The following NAV2 variants were observed in gnomAD, a reference collection of about 807,000 sequenced individuals.
NAV2 encodes helicase, APC down-regulated 1.
Under a neutral mutation model 223.2 loss-of-function variants are expected in NAV2, and 54 were observed. The observed-to-expected ratio is 0.24, with a 90% CI of 0.19 to 0.30. The LOEUF is 0.30. Ranked by LOEUF, NAV2 falls within the 10% of genes least tolerant of loss-of-function variation. NAV2 has a pLI of 1.00. For synonymous variants in NAV2, 1,279 were observed against 1,239.3 expected (o/e 1.03, Z -0.67); for missense variants, 2,806 against 3,147.5 (o/e 0.89, Z 2.60).
intron 10 of NAV2, 45 bp from the exon 11 acceptor site, chr11:19,984,080 C>G: frequency 6.2e-7 from 1 of 1,612,908 alleles, no homozygotes; most frequent in Non-Finnish European, 8.5e-7. Flanking sequence ...CTGGAAGCCA[C>G]TTGCTTTGGA....
intron 1 of NAV2, among the ~76,000 whole-genome samples, chr11:19,563,572 C>T (rs2045171120): frequency 1.3e-5 from 2 of 152,140 alleles, no homozygotes; most frequent in South Asian, 4.2e-4. Context: ...TAATCAGCTA[C>T]ACCAGAATTC....
At chr11:19,811,374 C>T (rs1400091911) in intron 1 of NAV2, among the ~76,000 whole-genome samples, 1 of 152,044 alleles carries the variant, frequency 6.6e-6, no homozygotes, top group East Asian at 1.9e-4. Flanking sequence ...GAAATTGACT[C>T]CCATTTGGTT....
At chr11:19,636,281 G>A (rs1224830100) in intron 1 of NAV2, among the ~76,000 whole-genome samples, 1 of 152,202 alleles carries the variant, frequency 6.6e-6, no homozygotes, top group Admixed American at 6.5e-5. Context: ...TCAGTGGGTA[G>A]AGAGAGATTT....
At chr11:19,428,890 C>T (rs748103707) in intron 1 of NAV2, among the ~76,000 whole-genome samples, 4 of 152,282 alleles carry the variant, frequency 2.6e-5, no homozygotes, top group African/African-American at 7.2e-5. Context: ...TGCCTAAGAA[C>T]CTTGACGTGT....
chr11:20,028,277 C>T (rs545171908), intron 11 of NAV2, among the ~76,000 whole-genome samples: 20 of 152,276 alleles, frequency 1.3e-4, no homozygotes, highest in African/African-American at 3.8e-4. Context: ...ATTCCTGACA[C>T]GGTGATGTCA....
intron 1 of NAV2, among the ~76,000 whole-genome samples, chr11:19,465,968 A>G (rs1852334625): frequency 6.6e-6 from 1 of 152,250 alleles, no homozygotes; most frequent in Non-Finnish European, 1.5e-5. Flanking sequence ...TGTTTCCCAC[A>G]AAGTGTGACA....
At chr11:19,786,781 C>A (rs771669537) in intron 1 of NAV2, among the ~76,000 whole-genome samples, 1 of 152,112 alleles carries the variant, frequency 6.6e-6, no homozygotes, top group Admixed American at 6.5e-5. Context: ...ACATAATTGG[C>A]TAGGGAGGCT....
intron 11 of NAV2, among the ~76,000 whole-genome samples, chr11:20,021,980 T>A (rs928185908): frequency 6.6e-6 from 1 of 152,180 alleles, no homozygotes; most frequent in Non-Finnish European, 1.5e-5. Flanking sequence ...AGCCAGTTAC[T>A]GCTTCCTTCC....
chr11:19,994,192 T>G (rs1804737448), intron 11 of NAV2, among the ~76,000 whole-genome samples: 1 of 152,240 alleles, frequency 6.6e-6, no homozygotes, highest in South Asian at 2.1e-4. Flanking sequence ...TAGTCCTGCT[T>G]ATCTCATCAA....
At chr11:19,725,957 TGG>T (rs2051199677) in intron 1 of NAV2, among the ~76,000 whole-genome samples, 1 of 152,238 alleles carries the variant, frequency 6.6e-6, no homozygotes, top group African/African-American at 2.4e-5. Context: ...GAGGCCAGGC[TGG>T]CTGGGCTGCC....
Position 19,659,265 on chromosome 11 carries a change from T to C in NAV2, c.76-173219T>C, listed in dbSNP as rs117571124. Among the ~76,000 whole-genome samples, 30 of 152,146 alleles carry C rather than the reference T, an allele frequency of 2.0e-4. No individual in the cohort carries two copies. The East Asian group carries it at 5.4e-3, about 27-fold the overall frequency. The stretch of plus-strand genomic sequence containing the variant: ...GCAAGACCCAGGTAGGCAGAAAAAC[T>C]TGGTGAAGACTGAGTGCTGGCAACA... On this transcript the variant is annotated intron_variant, in intron 1 of 37. Coordinates refer to the NAV2 transcript ENST00000360655.
chr11:19,725,651 A>G (rs2051171409), intron 1 of NAV2, among the ~76,000 whole-genome samples: 1 of 152,206 alleles, frequency 6.6e-6, no homozygotes, highest in African/African-American at 2.4e-5. Context: ...TCTGGATTGC[A>G]GAGCAGAAAC....
intron 1 of NAV2, among the ~76,000 whole-genome samples, chr11:19,449,625 G>T (rs1256289201): frequency 1.3e-5 from 2 of 150,546 alleles, no homozygotes; most frequent in Non-Finnish European, 3.0e-5. Context: ...TGTTGTGGGG[G>T]TGGGGGGGTA....
chr11:19,591,985 A>G (rs1391369467), intron 1 of NAV2, among the ~76,000 whole-genome samples: 1 of 152,156 alleles, frequency 6.6e-6, no homozygotes, highest in African/African-American at 2.4e-5. Context: ...GACAAGCCCC[A>G]TCTACAGTTA....
intron 1 of NAV2, among the ~76,000 whole-genome samples, chr11:19,638,697 G>T (rs1245630694): frequency 6.6e-6 from 1 of 152,212 alleles, no homozygotes; most frequent in African/African-American, 2.4e-5. Context: ...TACACAGGTG[G>T]TTGGGTGCAT....
intron 1 of NAV2, among the ~76,000 whole-genome samples, chr11:19,749,495 A>G (rs1590295558): frequency 1.3e-5 from 2 of 152,254 alleles, no homozygotes; most frequent in Admixed American, 1.3e-4. Flanking sequence ...GTTTAGATTC[A>G]GTCAGAATGA....
chr11:19,487,710 A>G (rs1423961720), intron 1 of NAV2, among the ~76,000 whole-genome samples: 2 of 152,184 alleles, frequency 1.3e-5, no homozygotes, highest in African/African-American at 2.4e-5. Flanking sequence ...GCCAACAACC[A>G]TGCAAGTGAG....
At chr11:19,501,985 C>T (rs549492868) in intron 1 of NAV2, among the ~76,000 whole-genome samples, 6 of 152,226 alleles carry the variant, frequency 3.9e-5, no homozygotes, top group Admixed American at 6.5e-5. Flanking sequence ...AGTGAACAGT[C>T]GATGGGTCTC....
chr11:19,585,043 C>T (rs2045848888), intron 1 of NAV2, among the ~76,000 whole-genome samples: 2 of 152,138 alleles, frequency 1.3e-5, no homozygotes, highest in Non-Finnish European at 2.9e-5. Context: ...TAAGGACTTG[C>T]TTCATGAATC....
Sources: gnomAD v4.1 joint callset for allele counts (sites outside exome capture counted in the v4.1 genomes callset) on GRCh38, gnomAD v4.1.1 for gene constraint, MANE v1.5 for transcripts, NCBI Gene and HGNC (gene_info 2026-07-23, HGNC 2026-07-21) for gene names.